CSMD1: variants seen among roughly 807,000 people sequenced by gnomAD.
The protein encoded by CSMD1 is CUB and Sushi multiple domains 1, also known as CUB and sushi domain-containing protein 1.
Under a neutral mutation model 417.5 loss-of-function variants are expected in CSMD1, and 213 were observed. That is an observed-to-expected ratio of 0.51 (90% CI 0.46 to 0.57). CSMD1 has a LOEUF of 0.57. Ranked by LOEUF, CSMD1 falls within the 20% of genes least tolerant of loss-of-function variation. CSMD1 has a pLI of 0.00. For synonymous variants in CSMD1, 2,862 were observed against 1,736.8 expected (o/e 1.65, Z -16.11); for missense variants, 6,923 against 4,529.7 (o/e 1.53, Z -15.17).
intron 5 of CSMD1, among the ~76,000 whole-genome samples, chr8:3,983,302 T>C (rs1814042075): frequency 1.3e-5 from 2 of 152,062 alleles, no homozygotes; most frequent in Admixed American, 6.6e-5. Context: ...GGCTAATTTT[T>C]TGTATTTTTA....
At position 4,586,132 on chromosome 8, in the gene CSMD1, C is replaced by A. The variant is rs533247608; in HGVS notation, c.302+51210G>T. On this transcript the variant is annotated intron_variant, in intron 2 of 69. Transcript: ENST00000635120. ...CAGGGTAATTGGCTATCCATCTCCT[C>A]AAGCATTTGCCATTTCTTTGTGTTT... Among the ~76,000 whole-genome samples, 6 of 152,302 alleles carry A rather than the reference C, an allele frequency of 3.9e-5. No homozygotes were observed. The East Asian group carries it at 9.6e-4, about 24-fold the overall frequency.
intron 2 of CSMD1, among the ~76,000 whole-genome samples, chr8:4,486,458 A>C (rs1801423190): frequency 6.6e-6 from 1 of 151,476 alleles, no homozygotes; most frequent in African/African-American, 2.4e-5. Context: ...ATATATTTTA[A>C]AAATATTTCT....
intron 3 of CSMD1, among the ~76,000 whole-genome samples, chr8:4,070,560 T>C (rs1799497194): frequency 6.6e-6 from 1 of 152,230 alleles, no homozygotes; most frequent in South Asian, 2.1e-4. Context: ...GGTTTCACCG[T>C]GTTAGCCAGG....
intron 9 of CSMD1, among the ~76,000 whole-genome samples, chr8:3,584,336 C>G (rs192689939): frequency 6.6e-6 from 1 of 152,238 alleles, no homozygotes; most frequent in East Asian, 1.9e-4. Context: ...ACACACCAAA[C>G]AAGAGAGACC....
At chr8:4,447,367 A>G (rs1275001046) in intron 2 of CSMD1, among the ~76,000 whole-genome samples, 1 of 152,230 alleles carries the variant, frequency 6.6e-6, no homozygotes, top group Admixed American at 6.5e-5. Context: ...AAGAGGAAAT[A>G]GAAATCCCTT....
chr8:3,346,420 G>C (rs1807998542), intron 22 of CSMD1, among the ~76,000 whole-genome samples: 1 of 152,152 alleles, frequency 6.6e-6, no homozygotes, highest in Non-Finnish European at 1.5e-5. Flanking sequence ...AAAAAATTCA[G>C]TTGCGATGTA....
At chr8:3,497,438 G>C (rs1429064314) in intron 10 of CSMD1, among the ~76,000 whole-genome samples, 3 of 151,912 alleles carry the variant, frequency 2.0e-5, no homozygotes, top group Admixed American at 6.6e-5. Context: ...ACACAGTCTT[G>C]CTCTGTCACC....
intron 5 of CSMD1, among the ~76,000 whole-genome samples, chr8:3,899,718 G>C (rs766873105): frequency 5.0e-4 from 76 of 152,116 alleles, no homozygotes; most frequent in Middle Eastern, 3.2e-3. Context: ...AACTGTCCTG[G>C]TAGGCTGGCT....
chr8:3,797,873 A>T (rs1015800963), intron 5 of CSMD1, among the ~76,000 whole-genome samples: 1 of 152,058 alleles, frequency 6.6e-6, no homozygotes, highest in African/African-American at 2.4e-5. Context: ...ATATTCCCAC[A>T]GTAAGTGAGC....
chr8:3,885,703 C>T (rs541420453), intron 5 of CSMD1, among the ~76,000 whole-genome samples: 2 of 152,204 alleles, frequency 1.3e-5, no homozygotes, highest in East Asian at 1.9e-4. Context: ...CACGTGTGAG[C>T]TCATGAAATT....
At chr8:4,927,901 C>T (rs1230891241) in intron 1 of CSMD1, among the ~76,000 whole-genome samples, 1 of 152,158 alleles carries the variant, frequency 6.6e-6, no homozygotes, top group Non-Finnish European at 1.5e-5. Flanking sequence ...TTGTCATGTC[C>T]AGCAGCTCTA....
chr8:3,631,167 C>T (rs556223857), intron 7 of CSMD1, among the ~76,000 whole-genome samples: 2 of 152,306 alleles, frequency 1.3e-5, no homozygotes, highest in East Asian at 1.9e-4. Flanking sequence ...CCTGGCTAAA[C>T]CGGCAGGACT....
At chr8:4,291,038 C>G (rs1016399250) in intron 3 of CSMD1, among the ~76,000 whole-genome samples, 3 of 151,988 alleles carry the variant, frequency 2.0e-5, no homozygotes, top group African/African-American at 7.2e-5. Context: ...TCTTTGTACC[C>G]TAGTGTAAAA....
At chr8:4,664,080 G>C (rs1804771321) in intron 1 of CSMD1, among the ~76,000 whole-genome samples, 1 of 152,130 alleles carries the variant, frequency 6.6e-6, no homozygotes, top group Non-Finnish European at 1.5e-5. Flanking sequence ...TTCTGTGTGT[G>C]CGTCATCGTA....
chr8:4,023,565 A>G (rs1319963806), intron 4 of CSMD1, among the ~76,000 whole-genome samples: 1 of 149,928 alleles, frequency 6.7e-6, no homozygotes, highest in Non-Finnish European at 1.5e-5. Context: ...CAAAATATGA[A>G]TGCTTACTGC....
intron 1 of CSMD1, among the ~76,000 whole-genome samples, chr8:4,939,016 G>A (rs1040753148): frequency 6.6e-6 from 1 of 152,064 alleles, no homozygotes; most frequent in African/African-American, 2.4e-5. Context: ...TGAGTCATAG[G>A]AATGTTTTCT....
intron 5 of CSMD1, among the ~76,000 whole-genome samples, chr8:3,955,807 G>A (rs916761577): frequency 3.9e-5 from 6 of 152,168 alleles, no homozygotes; most frequent in Admixed American, 3.3e-4. Flanking sequence ...CATATCTCTG[G>A]TTGATTAACT....
intron 5 of CSMD1, among the ~76,000 whole-genome samples, chr8:3,806,338 C>A (rs905132618): frequency 6.6e-6 from 1 of 152,092 alleles, no homozygotes; most frequent in Non-Finnish European, 1.5e-5. Flanking sequence ...TCTTTACAAC[C>A]AAGTATATAG....
At chr8:4,009,193 G>A (rs1816363663) in intron 4 of CSMD1, among the ~76,000 whole-genome samples, 2 of 152,138 alleles carry the variant, frequency 1.3e-5, no homozygotes, top group Admixed American at 6.5e-5. Flanking sequence ...TGTAGGTTGG[G>A]AAAATAATTC....
Sources: gnomAD v4.1 joint callset for allele counts (sites outside exome capture counted in the v4.1 genomes callset) on GRCh38, gnomAD v4.1.1 for gene constraint, MANE v1.5 for transcripts, NCBI Gene and HGNC (gene_info 2026-07-23, HGNC 2026-07-21) for gene names.